Variants in TMCO2 observed in about 807,000 individuals in gnomAD.
The protein encoded by TMCO2 is transmembrane and coiled-coil domain-containing protein 2.
Under a neutral mutation model 18.0 loss-of-function variants are expected in TMCO2, and 15 were observed. The ratio of observed to expected loss-of-function variants is 0.84; its 90% confidence interval spans 0.56 to 1.29. The LOEUF is 1.29. TMCO2 is among the 50% of genes most tolerant of loss of function. The pLI is 0.00. For missense variants in TMCO2, 182 were observed against 200.9 expected (o/e 0.91, Z 0.57); for synonymous variants, 79 against 75.9 (o/e 1.04, Z -0.21).
At chr1:40,250,892 T>C (rs537896840) in intron 1 of TMCO2, among the ~76,000 whole-genome samples, 2 of 152,210 alleles carry the variant, frequency 1.3e-5, no homozygotes, top group East Asian at 3.9e-4. Flanking sequence ...AATCCCAGCA[T>C]TTTGGGAGGC....
rs80094747 is a variant in TMCO2 at position 40,251,472 on chromosome 1, C to G, written c.427C>G (p.Leu143Val). 0.021 allele frequency: 33,881 copies of G among 1,613,816 alleles called. 456 individuals carry two copies. The highest frequency in any genetic ancestry group is 0.024 in the Non-Finnish European group (28,108 of 1,179,924). The change falls in exon 2 of 2, where the codon CTA becomes GTA. Residue 143 changes from leucine to valine, a missense_variant. Coordinates refer to ENST00000372766, the MANE Select transcript of TMCO2 (RefSeq NM_001008740.4). ...LKTVENKMKN[L>V]EGIIVAQKPA... Reference sequence around the variant, plus strand: ...GACAGTGGAAAACAAAATGAAGAACCTAGAAGGGATAATCGTTGCTCAAAA... The same window carrying G: ...GACAGTGGAAAACAAAATGAAGAACGTAGAAGGGATAATCGTTGCTCAAAA...
intron 1 of TMCO2, among the ~76,000 whole-genome samples, chr1:40,248,855 C>T (rs575873837): frequency 5.1e-4 from 77 of 152,318 alleles, no homozygotes; most frequent in African/African-American, 1.4e-3. Context: ...TTTCACATGA[C>T]AAGTGAAGAA....
chr1:40,250,531 C>T (rs1004282677), intron 1 of TMCO2, among the ~76,000 whole-genome samples: 1 of 151,980 alleles, frequency 6.6e-6, no homozygotes, highest in Non-Finnish European at 1.5e-5. Flanking sequence ...TTTTCCATGA[C>T]CAAGAAATCC....
Position 40,250,417 on chromosome 1 carries a change from C to A in TMCO2, c.238-866C>A, listed in dbSNP as rs185808627. Reference sequence around the variant, plus strand: ...CATTCACAGGTGCCATCATAGCACACTACTCCTGGGCTCAGGTGATCCTCC... The same window carrying A: ...CATTCACAGGTGCCATCATAGCACAATACTCCTGGGCTCAGGTGATCCTCC... On this transcript the variant is annotated intron_variant, in intron 1 of 1. Coordinates refer to ENST00000372766, the MANE Select transcript of TMCO2 (RefSeq NM_001008740.4). Among the ~76,000 whole-genome samples the A allele has an allele frequency of 1.8e-3, 269 of 151,646 alleles. 1 individual carries two copies. The highest frequency in any genetic ancestry group is 6.1e-3 in the African/African-American group (253 of 41,322).
In TMCO2 at chr1:40,248,200, C is replaced by T. The variant is rs754136947; in HGVS notation, c.207C>T (p.Ala69=). Residue 69 remains alanine (A), a synonymous_variant, in exon 1 of 2, where the codon GCC becomes GCT. Transcript: ENST00000372766. The part of the protein sequence containing the change: ...FLILLGIGIY[A]LWKRSIQSIQ... ...TTTTATTGGGAATAGGAATATATGC[C>T]TTATGGAAACGAAGTATTCAGTCAA... The T allele has an allele frequency of 2.5e-6, 4 of 1,613,442 alleles. No individual in the cohort carries two copies. The highest frequency in any genetic ancestry group is 1.1e-5 in the South Asian group (1 of 91,064).
At chr1:40,248,614 A>G (rs111322779) in intron 1 of TMCO2, among the ~76,000 whole-genome samples, 5 of 152,308 alleles carry the variant, frequency 3.3e-5, no homozygotes, top group African/African-American at 1.2e-4. Flanking sequence ...TCTGTAACTG[A>G]TAAGGAGGCA....
At chr1:40,251,071 A>G (rs1643379555) in intron 1 of TMCO2, among the ~76,000 whole-genome samples, 1 of 142,816 alleles carries the variant, frequency 7.0e-6, no homozygotes. Context: ...TGGGAGGCGG[A>G]GCTTGTAGTA....
Position 40,251,288 on chromosome 1 carries a change from ATTG to A in TMCO2, c.249_251del (p.Leu83del), listed in dbSNP as rs1381058833. On this transcript the variant is annotated inframe_deletion, in exon 2 of 2. Transcript: ENST00000372766. ...CTTCTGTTGTTCCATTTTAGAAAAC[ATTG>A]TTGTTTGTAATCACACTCTACAAAC... 5.6e-6 allele frequency: 9 copies of A among 1,608,004 alleles called. No homozygotes were observed. The highest frequency in any genetic ancestry group is 7.6e-6 in the Non-Finnish European group (9 of 1,178,452).
intron 1 of TMCO2, 126 bp from the exon 2 acceptor site, chr1:40,251,155 AAT>A: frequency 2.4e-6 from 2 of 834,892 alleles, no homozygotes; most frequent in Non-Finnish European, 3.6e-6. Flanking sequence ...AAAAAAAAAA[AAT>A]TTGCTAAATG....
chr1:40,250,288 C>G (rs1051925196), intron 1 of TMCO2, among the ~76,000 whole-genome samples: 5 of 150,426 alleles, frequency 3.3e-5, no homozygotes, highest in African/African-American at 4.9e-5. Flanking sequence ...ATGCAGTGGT[C>G]CACACCTATA....
chr1:40,248,894 C>G (rs1458024396), intron 1 of TMCO2, among the ~76,000 whole-genome samples: 1 of 152,168 alleles, frequency 6.6e-6, no homozygotes, highest in East Asian at 1.9e-4. Flanking sequence ...TCAGTGGAAA[C>G]TTAAGGTGAC....
rs1245663422 is a variant in TMCO2 at position 40,251,264 on chromosome 1, T to A, written c.238-19T>A. On this transcript the variant is annotated intron_variant, in intron 1 of 1. Transcript: ENST00000372766. ...TAAACTGTAGCAACTAACACTCAAC[T>A]TCTGTTGTTCCATTTTAGAAAACAT... is the stretch of plus-strand genomic sequence containing the variant. 6.3e-7 allele frequency: 1 copy of A among 1,599,726 alleles called. No individual in the cohort carries two copies. The highest frequency in any genetic ancestry group is 8.5e-7 in the Non-Finnish European group (1 of 1,174,780).
At chr1:40,249,531 A>G (rs1018199745) in intron 1 of TMCO2, among the ~76,000 whole-genome samples, 6 of 150,986 alleles carry the variant, frequency 4.0e-5, no homozygotes, top group African/African-American at 1.5e-4. Flanking sequence ...GTGAGCCAAG[A>G]TCGTGCCACT....
rs967860565 is a variant in TMCO2 at position 40,250,938 on chromosome 1, A to C, written c.238-345A>C. On this transcript the variant is annotated intron_variant, in intron 1 of 1. Coordinates refer to ENST00000372766, the MANE Select transcript of TMCO2 (RefSeq NM_001008740.4). ...GGATCACGAGGTCAGGAGATTGAGAACATCCTGGCTAACACGGTGAAACCT... is the reference window on the plus strand; with the variant it reads ...GGATCACGAGGTCAGGAGATTGAGACCATCCTGGCTAACACGGTGAAACCT... Among the ~76,000 whole-genome samples, 12 of 152,192 alleles carry C rather than the reference A, an allele frequency of 7.9e-5. No homozygotes were observed. The East Asian group carries it at 1.4e-3, about 17-fold the overall frequency.
chr1:40,251,360 C>T lies in TMCO2; in HGVS notation c.315C>T (p.Asn105=). Residue 105 remains asparagine, a synonymous_variant, in exon 2 of 2, where the codon AAC becomes AAT. Transcript: ENST00000372766. ...ATATTTTTGAGGCTTTGCTAGCCAA[C>T]CCAGAAGGAAGTGGTCTCCGAATTC... is the stretch of plus-strand genomic sequence containing the variant. The part of the protein sequence containing the change: ...GSHIFEALLA[N]PEGSGLRIQD... 1.9e-6 allele frequency: 3 copies of T among 1,614,046 alleles called. No individual in the cohort carries two copies. The highest frequency in any genetic ancestry group is 1.3e-5 in the African/African-American group (1 of 75,020).
At chr1:40,250,629 C>G (rs6675059) in intron 1 of TMCO2, among the ~76,000 whole-genome samples, 15,796 of 152,130 alleles carry the variant, frequency 0.1, 902 homozygotes, top group South Asian at 0.15. Context: ...CAATATATAA[C>G]CTTGGACAAT....
intron 1 of TMCO2, among the ~76,000 whole-genome samples, chr1:40,249,011 T>C (rs924022751): frequency 6.6e-6 from 1 of 152,224 alleles, no homozygotes; most frequent in Admixed American, 6.5e-5. Flanking sequence ...TATGTCACTA[T>C]TGTTTAGTAA....
At position 40,251,136 on chromosome 1, in the gene TMCO2, C is replaced by CAAAAAA. The variant is rs59384076; in HGVS notation, c.238-132_238-127dup. The CAAAAAA allele has an allele frequency of 9.7e-3, 4,083 of 419,358 alleles. 259 individuals carry two copies. In the African/African-American group the frequency reaches 0.13, roughly 13 times the overall value. 26.0% of individuals were successfully genotyped at this position (419,358 alleles called of 1,614,324 possible). ...TGGGTGACAGAGTGAAACTCCATCT[C>CAAAAAA]AAAAAAAAAAAAAAAAAAAATTTGC... On this transcript the variant is annotated intron_variant, in intron 1 of 1. Transcript: ENST00000372766.
Position 40,248,089 on chromosome 1 carries a change from G to A in TMCO2, c.96G>A (p.Glu32=). Residue 32 remains glutamate, a synonymous_variant, in exon 1 of 2, where the codon GAG becomes GAA. Coordinates refer to ENST00000372766, the MANE Select transcript of TMCO2 (RefSeq NM_001008740.4). ...GGATACAAGCAAGTTTTTTGGGAGA[G>A]ACTAGTGCACCTCAGCAAACAAGTT... ...WNWIQASFLG[E]TSAPQQTSLG... is the part of the protein sequence containing the mutation. The A allele has an allele frequency of 6.2e-7, 1 of 1,614,220 alleles. No individual in the cohort carries two copies. Among genetic ancestry groups the A allele is most frequent in the Non-Finnish European group, 8.5e-7 (1 of 1,180,036 alleles).
Sources: allele counts gnomAD v4.1 joint callset (sites outside exome capture counted in the v4.1 genomes callset), GRCh38; gene constraint gnomAD v4.1.1; transcripts MANE v1.5; gene names NCBI Gene and HGNC (gene_info 2026-07-23, HGNC 2026-07-21).